Variants in WWOX observed in about 807,000 individuals in gnomAD.
The protein encoded by WWOX is WW domain-containing oxidoreductase.
In WWOX, 69 loss-of-function variants were observed where a neutral mutation model predicts 46.2. The observed-to-expected ratio is 1.49, with a 90% confidence interval of 1.23 to 1.82. The LOEUF (loss-of-function observed/expected upper bound fraction) is 1.82. WWOX is among the 40% of genes most tolerant of loss of function. The probability of loss-of-function intolerance (pLI) is 0.00; values close to 1 mark genes in which losing one functional copy is unlikely to be tolerated. For synonymous variants in WWOX, 359 were observed against 202.6 expected, an observed-to-expected ratio of 1.77 and a Z score of -6.56; for missense variants, 919 against 542.6, an observed-to-expected ratio of 1.69 and a Z score of -6.89.
At chr16:78,743,731 C>T (rs2049284508) in intron 8 of WWOX, among the ~76,000 whole-genome samples, 1 of 152,110 alleles carries the variant, frequency 6.6e-6, no homozygotes, top group Non-Finnish European at 1.5e-5. Context: ...TTCGCTTCAC[C>T]CTCTGATTGG....
At chr16:78,372,241 CAG>C (rs2081708328) in intron 5 of WWOX, among the ~76,000 whole-genome samples, 7 of 152,184 alleles carry the variant, frequency 4.6e-5, no homozygotes, top group Admixed American at 4.6e-4. Context: ...CTTCCAAAGG[CAG>C]AGTCTCAAAA....
intron 8 of WWOX, among the ~76,000 whole-genome samples, chr16:79,034,260 AG>A (rs1399239566): frequency 6.6e-6 from 1 of 152,246 alleles, no homozygotes; most frequent in African/African-American, 2.4e-5. Flanking sequence ...TCACTGTCTC[AG>A]AAAAAGGCAC....
At chr16:78,620,728 A>C (rs1050098648) in intron 8 of WWOX, among the ~76,000 whole-genome samples, 3 of 152,212 alleles carry the variant, frequency 2.0e-5, no homozygotes, top group African/African-American at 7.2e-5. Flanking sequence ...TGGGTTAGCA[A>C]AATGCATATT....
chr16:78,135,317 G>C (rs1381839016), intron 4 of WWOX, among the ~76,000 whole-genome samples: 2 of 152,136 alleles, frequency 1.3e-5, no homozygotes, highest in Non-Finnish European at 2.9e-5. Flanking sequence ...CCAAGTGTGA[G>C]GGACTATTTC....
At chr16:78,644,654 G>C (rs2046798340) in intron 8 of WWOX, among the ~76,000 whole-genome samples, 1 of 152,068 alleles carries the variant, frequency 6.6e-6, no homozygotes, top group South Asian at 2.1e-4. Flanking sequence ...GTAGAGATGG[G>C]GTTGCACCAT....
chr16:78,732,291 A>G (rs896917743), intron 8 of WWOX, among the ~76,000 whole-genome samples: 4 of 152,124 alleles, frequency 2.6e-5, no homozygotes, highest in Admixed American at 1.3e-4. Flanking sequence ...TCTCTCACTC[A>G]TGGGATGCTT....
intron 8 of WWOX, among the ~76,000 whole-genome samples, chr16:79,074,000 G>GAA (rs140257428): frequency 6.7e-5 from 10 of 148,754 alleles, no homozygotes; most frequent in East Asian, 5.8e-4. Context: ...AAAGGTCTGA[G>GAA]GAAAAAAAAA....
At chr16:78,795,524 C>T (rs772784838) in intron 8 of WWOX, among the ~76,000 whole-genome samples, 5 of 152,166 alleles carry the variant, frequency 3.3e-5, no homozygotes, top group Non-Finnish European at 5.9e-5. Context: ...TAGTCCACTG[C>T]TGAGTCTTCC....
intron 8 of WWOX, among the ~76,000 whole-genome samples, chr16:79,158,827 C>G (rs1038773853): frequency 2.0e-5 from 3 of 152,216 alleles, no homozygotes; most frequent in African/African-American, 7.2e-5. Flanking sequence ...TATTCATTTG[C>G]TTGTCATCTG....
In WWOX at chr16:78,424,996, G is replaced by T; in HGVS notation, c.732G>T (p.Gln244His). The change falls in exon 7 of 9, where the codon CAG (glutamine) becomes CAT (histidine). Residue 244 changes from glutamine to histidine, a missense_variant. By Grantham distance (24) the Gln-to-His change is conservative. Coordinates refer to ENST00000566780, the MANE Select transcript of WWOX (RefSeq NM_016373.4). The part of the protein sequence containing the change: ...LGHFYLVQLL[Q>H]DVLCRSAPAR... ...ACTTCTACCTTGTCCAGCTCCTCCAGGATGTTTTGTGCCGCTCAGCTCCTG... is the reference window on the plus strand; with the variant it reads ...ACTTCTACCTTGTCCAGCTCCTCCATGATGTTTTGTGCCGCTCAGCTCCTG... 1.2e-6 allele frequency: 2 copies of T among 1,614,132 alleles called. No individual in the cohort carries two copies. The highest frequency in any genetic ancestry group is 1.7e-6 in the Non-Finnish European group (2 of 1,180,030).
chr16:79,011,188 T>C (rs1337714838), intron 8 of WWOX, among the ~76,000 whole-genome samples: 1 of 149,686 alleles, frequency 6.7e-6, no homozygotes, highest in Non-Finnish European at 1.5e-5. Flanking sequence ...TTTGGAACCA[T>C]TGAAAAGTTG....
At chr16:78,384,890 C>G (rs189361092) in intron 5 of WWOX, among the ~76,000 whole-genome samples, 1 of 152,242 alleles carries the variant, frequency 6.6e-6, no homozygotes, top group East Asian at 1.9e-4. Context: ...AATCCTAGCA[C>G]TTTCGGAGGC....
chr16:78,796,412 C>T (rs1233160766), intron 8 of WWOX, among the ~76,000 whole-genome samples: 2 of 152,212 alleles, frequency 1.3e-5, no homozygotes, highest in Non-Finnish European at 2.9e-5. Context: ...GCAGTGAGGT[C>T]ACTTCCACCT....
chr16:78,472,733 C>T (rs774600974), intron 8 of WWOX, among the ~76,000 whole-genome samples: 4 of 139,950 alleles, frequency 2.9e-5, no homozygotes, highest in Non-Finnish European at 4.5e-5. Context: ...CGCTTGAACC[C>T]GGGAAGTGGA....
intron 8 of WWOX, among the ~76,000 whole-genome samples, chr16:78,835,308 C>A (rs1484470637): frequency 6.6e-6 from 1 of 152,174 alleles, no homozygotes; most frequent in Non-Finnish European, 1.5e-5. Flanking sequence ...TTTAACTACA[C>A]CATTCAAAGC....
intron 8 of WWOX, among the ~76,000 whole-genome samples, chr16:78,903,359 G>A (rs974684609): frequency 1.1e-4 from 17 of 152,192 alleles, no homozygotes; most frequent in Non-Finnish European, 2.1e-4. Flanking sequence ...AAATTACAGA[G>A]TTGCTCTTTT....
At chr16:78,778,550 C>G (rs1045168233) in intron 8 of WWOX, among the ~76,000 whole-genome samples, 1 of 152,164 alleles carries the variant, frequency 6.6e-6, no homozygotes, top group South Asian at 2.1e-4. Context: ...GTGTTCCAAG[C>G]TTCTCAGAAG....
chr16:78,942,875 A>G (rs1365986150), intron 8 of WWOX, among the ~76,000 whole-genome samples: 2 of 152,216 alleles, frequency 1.3e-5, no homozygotes, highest in Non-Finnish European at 2.9e-5. Context: ...ACAGCTCTTT[A>G]GAAAGAGATG....
intron 8 of WWOX, among the ~76,000 whole-genome samples, chr16:78,943,389 G>C (rs865826436): frequency 6.8e-6 from 1 of 147,888 alleles, no homozygotes; most frequent in African/African-American, 2.7e-5. Context: ...TCCTCCGACT[G>C]CATCGCCACT....
Sources: gnomAD v4.1 joint callset for allele counts (sites outside exome capture counted in the v4.1 genomes callset) on GRCh38, gnomAD v4.1.1 for gene constraint, MANE v1.5 for transcripts, NCBI Gene and HGNC (gene_info 2026-07-23, HGNC 2026-07-21) for gene names.